Variants in SEPTIN11 observed in about 807,000 individuals in gnomAD.
SEPTIN11 encodes septin 11.
A neutral mutation model predicts 51.4 loss-of-function variants in SEPTIN11; 25 were observed. That is an observed-to-expected ratio of 0.49 (90% confidence interval 0.35 to 0.68). The LOEUF (loss-of-function observed/expected upper bound fraction) is 0.68. Ranked by LOEUF, SEPTIN11 falls within the 30% of genes least tolerant of loss-of-function variation. SEPTIN11 has a pLI of 0.00. For missense variants in SEPTIN11, 381 were observed against 520.8 expected, an observed-to-expected ratio of 0.73 and a Z score of 2.61; for synonymous variants, 174 against 184.1, an observed-to-expected ratio of 0.95 and a Z score of 0.44.
chr4:77,003,548 A>C (rs561979261), intron 2 of SEPTIN11, among the ~76,000 whole-genome samples: 7 of 152,280 alleles, frequency 4.6e-5, no homozygotes, highest in Admixed American at 4.6e-4. Flanking sequence ...CTAAAGAGGA[A>C]ATTCTGTGAT....
chr4:76,984,534 T>C lies in SEPTIN11; in HGVS notation c.28-11891T>C, dbSNP rs968316809. Among the ~76,000 whole-genome samples, 6 of 152,124 alleles carry C rather than the reference T, an allele frequency of 3.9e-5. No homozygotes were observed. The highest frequency in any genetic ancestry group is 1.5e-5 in the Non-Finnish European group (1 of 68,026). On this transcript the variant is annotated intron_variant, in intron 1 of 9. Transcript: ENST00000264893. The surrounding 1 kb of genome is among the most constrained non-coding windows in gnomAD (Gnocchi z 4.1). The stretch of plus-strand genomic sequence containing the variant: ...GATGAATGCATTCAGTGAATAGAAA[T>C]AGATGAACTGAGCCACAATATTTCT...
At chr4:76,956,998 G>GTGTGTGTGT (rs1721590781) in intron 1 of SEPTIN11, among the ~76,000 whole-genome samples, 1 of 75,034 alleles carries the variant, frequency 1.3e-5, no homozygotes, top group Non-Finnish European at 3.4e-5. Context: ...GTGTGTGAGA[G>GTGTGTGTGT]AGAGAGAGAC....
At chr4:76,985,115 T>A (rs1722958249) in intron 1 of SEPTIN11, 1 of 152,244 alleles carries the variant, frequency 6.6e-6, no homozygotes, top group Admixed American at 6.5e-5. Flanking sequence ...CCAAACAGAC[T>A]TTCTGCTGGT....
At chr4:76,963,970 C>T (rs1721922889) in intron 1 of SEPTIN11, among the ~76,000 whole-genome samples, 2 of 151,990 alleles carry the variant, frequency 1.3e-5, no homozygotes, top group Admixed American at 1.3e-4. Flanking sequence ...TACCCCACAA[C>T]AGGCCCCAGT....
chr4:76,953,825 G>A (rs1181100976), intron 1 of SEPTIN11, among the ~76,000 whole-genome samples: 3 of 152,120 alleles, frequency 2.0e-5, no homozygotes, highest in Non-Finnish European at 4.4e-5. Context: ...AAAATGATGT[G>A]TCTACATTAC....
intron 1 of SEPTIN11, among the ~76,000 whole-genome samples, chr4:76,953,774 G>A (rs532865697): frequency 3.3e-5 from 5 of 152,202 alleles, no homozygotes; most frequent in Admixed American, 6.5e-5. Context: ...AAAATCTTTC[G>A]AAAGTTATAG....
intron 7 of SEPTIN11, among the ~76,000 whole-genome samples, chr4:77,022,794 A>T (rs978581220): frequency 6.6e-6 from 1 of 152,070 alleles, no homozygotes; most frequent in African/African-American, 2.4e-5. Context: ...GTTTCTTTCA[A>T]CTCAGGAATC....
chr4:77,014,714 A>G (rs940214137), intron 4 of SEPTIN11, 142 bp from the exon 5 acceptor site: 4 of 714,378 alleles, frequency 5.6e-6, no homozygotes, highest in Non-Finnish European at 8.5e-6. Flanking sequence ...TATGGGGTAC[A>G]TGAGATGTTT....
intron 1 of SEPTIN11, among the ~76,000 whole-genome samples, chr4:76,970,510 C>T (rs1722196198): frequency 6.6e-6 from 1 of 152,190 alleles, no homozygotes; most frequent in African/African-American, 2.4e-5. Context: ...CCTAAATTTT[C>T]TCCAGGAATT....
At chr4:76,956,453 G>A (rs1721561156) in intron 1 of SEPTIN11, among the ~76,000 whole-genome samples, 1 of 152,192 alleles carries the variant, frequency 6.6e-6, no homozygotes, top group Non-Finnish European at 1.5e-5. Context: ...AAATTATGTT[G>A]CGGTAACAAA....
In SEPTIN11 at chr4:76,958,831, C is replaced by G. The variant is rs1265434212; in HGVS notation, c.27+8901C>G. ...AAAATAAGTTTTAAATAGTCAATGG[C>G]TGGTTATATTTTCAGAAAACATGAT... is the stretch of plus-strand genomic sequence containing the variant. On this transcript the variant is annotated intron_variant, in intron 1 of 9. Transcript: ENST00000264893. The G allele has an allele frequency of 2.1e-6, 3 of 1,399,542 alleles. No individual in the cohort carries two copies. The African/African-American group carries it at 4.3e-5, about 20-fold the overall frequency. 86.7% of individuals were successfully genotyped at this position (1,399,542 alleles called of 1,614,324 possible).
intron 1 of SEPTIN11, 142 bp from the exon 2 acceptor site, chr4:76,996,283 G>A: frequency 3.0e-6 from 2 of 668,558 alleles, no homozygotes; most frequent in Non-Finnish European, 5.2e-6. Context: ...CCTCAGCTGT[G>A]TAGAAGCCAA....
intron 1 of SEPTIN11, among the ~76,000 whole-genome samples, chr4:76,983,588 T>G (rs1722879925): frequency 6.6e-6 from 1 of 152,206 alleles, no homozygotes; most frequent in South Asian, 2.1e-4. Context: ...TGGATGTTGT[T>G]TCAAGCCACT....
Position 77,037,221 on chromosome 4 carries a change from G to C in SEPTIN11, c.*2709G>C. 3 of 574,222 alleles carry C rather than the reference G, an allele frequency of 5.2e-6. No individual in the cohort carries two copies. Among genetic ancestry groups the C allele is most frequent in the Non-Finnish European group, 6.6e-6 (3 of 454,500 alleles). 35.6% of individuals were successfully genotyped at this position (574,222 alleles called of 1,614,324 possible). On this transcript the variant is annotated 3_prime_UTR_variant, in exon 10 of 10. Coordinates refer to ENST00000264893, the MANE Select transcript of SEPTIN11 (RefSeq NM_018243.4). ...TACAAAAAATACAAAAATTAGCCAG[G>C]CGTGGTGGCACGTGCCTGTAGTCCC...
At position 77,020,599 on chromosome 4, in the gene SEPTIN11, T is replaced by C. The variant is rs1201065441; in HGVS notation, c.882T>C (p.Tyr294=). 1.9e-6 allele frequency: 3 copies of C among 1,614,082 alleles called. No individual in the cohort carries two copies. The highest frequency in any genetic ancestry group is 1.7e-6 in the Non-Finnish European group (2 of 1,180,006). The part of the protein sequence containing the change: ...DLREQTHTRH[Y]ELYRRCKLEE... Reference sequence around the variant, plus strand: ...GAGAGCAGACTCACACCCGCCACTATGAATTGTACCGACGCTGTAAGCTTG... The same window carrying C: ...GAGAGCAGACTCACACCCGCCACTACGAATTGTACCGACGCTGTAAGCTTG... Residue 294 remains tyrosine, a synonymous_variant, in exon 7 of 10, where the codon TAT becomes TAC. Transcript: ENST00000264893.
At chr4:76,949,989 C>CG in intron 1 of SEPTIN11, 59 bp downstream of exon 1, 1 of 1,383,708 alleles carries the variant, frequency 7.2e-7, no homozygotes, top group Admixed American at 3.5e-5. Flanking sequence ...TGCTCTGGGG[C>CG]GGGTGCGGTG....
intron 7 of SEPTIN11, 93 bp downstream of exon 7, chr4:77,020,763 G>A: frequency 8.4e-7 from 1 of 1,189,932 alleles, no homozygotes; most frequent in Non-Finnish European, 1.2e-6. Context: ...TTGAGATGGT[G>A]ATGATGGAAG....
chr4:76,975,552 C>G (rs1722457993), intron 1 of SEPTIN11, among the ~76,000 whole-genome samples: 1 of 152,134 alleles, frequency 6.6e-6, no homozygotes, highest in African/African-American at 2.4e-5. Flanking sequence ...AGCTGAGATG[C>G]ATTGTTTCAC....
intron 3 of SEPTIN11, among the ~76,000 whole-genome samples, chr4:77,008,684 G>T (rs1373566335): frequency 2.0e-5 from 3 of 152,092 alleles, no homozygotes; most frequent in Admixed American, 6.6e-5. Flanking sequence ...ATTTTTGTGT[G>T]TGTGTATGTT....
Sources: gnomAD v4.1 joint callset for allele counts (sites outside exome capture counted in the v4.1 genomes callset) on GRCh38, gnomAD v4.1.1 for gene constraint, Gnocchi (gnomAD v3.1) non-coding constraint, MANE v1.5 for transcripts, NCBI Gene and HGNC (gene_info 2026-07-23, HGNC 2026-07-21) for gene names.